Variants in DPP10 observed in about 807,000 individuals in gnomAD.
DPP10 encodes dipeptidyl peptidase like 10, also known as inactive dipeptidyl peptidase 10.
DPP10 carries 33 observed loss-of-function variants against 120.9 expected under a neutral mutation model. The ratio of observed to expected loss-of-function variants is 0.27; its 90% CI spans 0.21 to 0.37. The LOEUF (loss-of-function observed/expected upper bound fraction) is 0.37, where lower values mean the gene tolerates loss of function less well. Ranked by LOEUF, DPP10 falls within the 10% of genes least tolerant of loss-of-function variation. The pLI is 1.00. For missense variants in DPP10, 816 were observed against 942.8 expected, an observed-to-expected ratio of 0.87 and a Z score of 1.76; for synonymous variants, 337 against 326.1, an observed-to-expected ratio of 1.03 and a Z score of -0.36.
intron 1 of DPP10, among the ~76,000 whole-genome samples, chr2:114,942,334 TATATAC>T (rs1470685091): frequency 8.9e-6 from 1 of 112,988 alleles, no homozygotes; most frequent in Non-Finnish European, 1.7e-5. Flanking sequence ...CACACATATA[TATATAC>T]GTATATATAC....
intron 1 of DPP10, among the ~76,000 whole-genome samples, chr2:115,221,103 AGT>A (rs759387708): frequency 6.6e-6 from 1 of 151,470 alleles, no homozygotes; most frequent in Non-Finnish European, 1.5e-5. Context: ...TTTTGCCCAG[AGT>A]GTGTGTTTTG....
At chr2:115,227,876 C>A (rs192177023) in intron 1 of DPP10, among the ~76,000 whole-genome samples, 1 of 149,950 alleles carries the variant, frequency 6.7e-6, no homozygotes, top group Admixed American at 6.6e-5. Context: ...TTTGTGGGTA[C>A]ATAATAGTTG....
intron 5 of DPP10, among the ~76,000 whole-genome samples, chr2:115,625,707 C>T (rs2085305605): frequency 1.3e-5 from 2 of 152,058 alleles, no homozygotes; most frequent in East Asian, 1.9e-4. Context: ...TCTCTCCTCA[C>T]GTAAAAGAAA....
intron 1 of DPP10, among the ~76,000 whole-genome samples, chr2:115,058,145 C>T (rs564667000): frequency 1.3e-5 from 2 of 152,236 alleles, no homozygotes; most frequent in East Asian, 1.9e-4. Flanking sequence ...CCAGACTCTG[C>T]GAGAACATTC....
intron 1 of DPP10, among the ~76,000 whole-genome samples, chr2:115,051,870 G>A (rs1705510597): frequency 1.3e-5 from 2 of 152,012 alleles, no homozygotes; most frequent in African/African-American, 4.8e-5. Context: ...AGGTAATGAA[G>A]ATGTTAGCCT....
chr2:114,998,761 C>G (rs1423039135), intron 1 of DPP10, among the ~76,000 whole-genome samples: 1 of 152,164 alleles, frequency 6.6e-6, no homozygotes, highest in African/African-American at 2.4e-5. Context: ...AGGAGCAGAA[C>G]AGAAAACGCA....
At chr2:115,826,000 A>T (rs987418903) in intron 21 of DPP10, among the ~76,000 whole-genome samples, 1 of 152,376 alleles carries the variant, frequency 6.6e-6, no homozygotes, top group South Asian at 2.1e-4. Context: ...AAGCAGGAAC[A>T]GTTGAAAAAT....
At chr2:115,762,383 A>C (rs1250015069) in intron 11 of DPP10, among the ~76,000 whole-genome samples, 189 bp from the exon 12 acceptor site, 1 of 116,526 alleles carries the variant, frequency 8.6e-6, no homozygotes, top group Non-Finnish European at 2.0e-5. Context: ...TTATAATTAA[A>C]TTATCGTTTA....
At chr2:114,660,905 G>A (rs1336201471) in intron 1 of DPP10, among the ~76,000 whole-genome samples, 2 of 152,080 alleles carry the variant, frequency 1.3e-5, no homozygotes, top group Non-Finnish European at 2.9e-5. Context: ...TAAAGGAAAA[G>A]GAAGTAATTT....
At chr2:115,775,354 C>T (rs977747046) in intron 13 of DPP10, among the ~76,000 whole-genome samples, 1 of 151,622 alleles carries the variant, frequency 6.6e-6, no homozygotes, top group African/African-American at 2.4e-5. Context: ...GTAATAATAA[C>T]TTGGACAGTT....
At chr2:114,532,098 G>A (rs373550230) in intron 1 of DPP10, among the ~76,000 whole-genome samples, 12 of 151,280 alleles carry the variant, frequency 7.9e-5, no homozygotes, top group African/African-American at 2.7e-4. Context: ...TTTTAGACTC[G>A]GATCAAAATA....
chr2:115,069,995 A>G (rs895256136), intron 1 of DPP10, among the ~76,000 whole-genome samples: 2 of 152,022 alleles, frequency 1.3e-5, no homozygotes, highest in African/African-American at 4.8e-5. Flanking sequence ...ATGTTTATAT[A>G]GTGTCTGCAT....
In DPP10 at chr2:115,499,619, A is replaced by C. The variant is rs1240012441; in HGVS notation, c.366+15A>C. Reference sequence around the variant, plus strand: ...ACACAACTTTTGTAAGTAATGAATAATTAATTACTTTATGCATTTCAGTAC... The same window carrying C: ...ACACAACTTTTGTAAGTAATGAATACTTAATTACTTTATGCATTTCAGTAC... On this transcript the variant is annotated intron_variant, in intron 4 of 25. Transcript: ENST00000410059. 1 of 1,585,086 alleles carries C rather than the reference A, an allele frequency of 6.3e-7. No homozygotes were observed. The highest frequency in any genetic ancestry group is 1.1e-5 in the South Asian group (1 of 90,120).
intron 1 of DPP10, among the ~76,000 whole-genome samples, chr2:114,608,237 T>C (rs1158606436): frequency 5.9e-5 from 7 of 118,656 alleles, no homozygotes; most frequent in South Asian, 6.7e-4. Context: ...TAACAGAAGA[T>C]AACCAGGTGG....
At chr2:114,798,437 G>T (rs1389100805) in intron 1 of DPP10, among the ~76,000 whole-genome samples, 3 of 152,108 alleles carry the variant, frequency 2.0e-5, no homozygotes, top group Non-Finnish European at 2.9e-5. Flanking sequence ...AGAAGAATAA[G>T]AATTGGACTT....
chr2:115,791,271 G>T lies in DPP10; in HGVS notation c.1631-16G>T. On this transcript the variant is annotated splice_polypyrimidine_tract_variant and intron_variant, in intron 18 of 25. Transcript: ENST00000410059. ...AATGACTCTCCATCTTTAATATTTT[G>T]CTCTTTCTTTAAAAGAACTTCCTTT... 7 of 1,607,690 alleles carry T rather than the reference G, an allele frequency of 4.4e-6. No homozygotes were observed. Among genetic ancestry groups the T allele is most frequent in the Non-Finnish European group, 5.9e-6 (7 of 1,177,776 alleles).
intron 1 of DPP10, among the ~76,000 whole-genome samples, chr2:114,618,381 T>C (rs1693835291): frequency 6.6e-6 from 1 of 152,012 alleles, no homozygotes; most frequent in Non-Finnish European, 1.5e-5. Flanking sequence ...GGTCTCTCTC[T>C]CAACACAGAG....
At chr2:114,711,183 G>A (rs897847653) in intron 1 of DPP10, among the ~76,000 whole-genome samples, 1 of 152,176 alleles carries the variant, frequency 6.6e-6, no homozygotes, top group African/African-American at 2.4e-5. Flanking sequence ...TTCCAGGCAT[G>A]GTATGACATG....
At chr2:114,641,613 T>C (rs1257050493) in intron 1 of DPP10, among the ~76,000 whole-genome samples, 1 of 151,994 alleles carries the variant, frequency 6.6e-6, no homozygotes. Flanking sequence ...ATAAGGATTC[T>C]TGGCCACAAC....
Sources: gnomAD v4.1 joint callset for allele counts (sites outside exome capture counted in the v4.1 genomes callset) on GRCh38, gnomAD v4.1.1 for gene constraint, MANE v1.5 for transcripts, NCBI Gene and HGNC (gene_info 2026-07-23, HGNC 2026-07-21) for gene names.